Variants in NEK11 observed in about 807,000 individuals in gnomAD.
NEK11 encodes NIMA related kinase 11, also known as serine/threonine-protein kinase Nek11.
In NEK11, 72 loss-of-function variants were observed where a neutral mutation model predicts 80.7. The observed-to-expected ratio is 0.89, with a 90% CI of 0.74 to 1.08. NEK11 has a LOEUF of 1.08. NEK11 is among the 50% of genes least tolerant of loss of function. NEK11 has a pLI of 0.00. For missense variants in NEK11, 764 were observed against 763.6 expected (o/e 1.00, Z -0.01); for synonymous variants, 251 against 260.7 (o/e 0.96, Z 0.36).
intron 3 of NEK11, among the ~76,000 whole-genome samples, chr3:131,060,989 C>A (rs898724884): frequency 2.6e-5 from 4 of 152,038 alleles, no homozygotes; most frequent in Admixed American, 6.6e-5. Flanking sequence ...TATTCCCAGT[C>A]CCCCATCCAG....
chr3:131,112,107 C>T (rs1216075476), intron 5 of NEK11, among the ~76,000 whole-genome samples: 1 of 152,068 alleles, frequency 6.6e-6, no homozygotes, highest in Non-Finnish European at 1.5e-5. Context: ...TGATGTCCAA[C>T]AAAAGGTATG....
chr3:131,152,270 A>G, intron 7 of NEK11, 118 bp from the exon 8 acceptor site: 3 of 773,100 alleles, frequency 3.9e-6, no homozygotes, highest in Middle Eastern at 3.4e-4. Context: ...TAAGTCAACT[A>G]CTGATTGTAT....
intron 3 of NEK11, among the ~76,000 whole-genome samples, chr3:131,046,241 T>C (rs1256972392): frequency 6.6e-6 from 1 of 152,202 alleles, no homozygotes; most frequent in African/African-American, 2.4e-5. Context: ...TTTGGTGTAT[T>C]GCGAAAATGT....
chr3:131,069,884 G>T (rs991566872), intron 3 of NEK11, among the ~76,000 whole-genome samples: 23 of 151,412 alleles, frequency 1.5e-4, no homozygotes, highest in African/African-American at 5.6e-4. Context: ...GCTAGATGAC[G>T]AGTTAGTGGG....
intron 14 of NEK11, among the ~76,000 whole-genome samples, chr3:131,190,676 ATTC>A (rs950562174): frequency 6.6e-6 from 1 of 152,190 alleles, no homozygotes; most frequent in Non-Finnish European, 1.5e-5. Context: ...ATCCTCAGGT[ATTC>A]TTTATAATTA....
chr3:131,092,859 T>C (rs2076925151), intron 4 of NEK11: 1 of 152,212 alleles, frequency 6.6e-6, no homozygotes, highest in Admixed American at 6.5e-5. Flanking sequence ...GTGTCATCCT[T>C]GCACAGAGGC....
intron 5 of NEK11, among the ~76,000 whole-genome samples, chr3:131,111,539 G>A (rs909283599): frequency 1.3e-5 from 2 of 152,086 alleles, no homozygotes; most frequent in Non-Finnish European, 2.9e-5. Context: ...CATAAAACAT[G>A]TACCCTTATA....
intron 7 of NEK11, among the ~76,000 whole-genome samples, chr3:131,142,417 T>C (rs887776349): frequency 1.3e-5 from 2 of 151,096 alleles, no homozygotes; most frequent in Non-Finnish European, 3.0e-5. Flanking sequence ...TCTACTACTT[T>C]TGATGTTCTG....
At chr3:131,333,676 T>C (rs1268968362) in intron 17 of NEK11, among the ~76,000 whole-genome samples, 5 of 152,180 alleles carry the variant, frequency 3.3e-5, no homozygotes, top group South Asian at 2.1e-4. Flanking sequence ...GACTGGCAAA[T>C]TGGATAAAGA....
intron 17 of NEK11, among the ~76,000 whole-genome samples, chr3:131,299,717 T>C (rs1437342174): frequency 6.6e-6 from 1 of 152,236 alleles, no homozygotes; most frequent in Non-Finnish European, 1.5e-5. Context: ...TCATTCTTTT[T>C]ATGACTGTGT....
At chr3:131,168,089 C>T (rs1302360261) in intron 12 of NEK11, among the ~76,000 whole-genome samples, 2 of 152,218 alleles carry the variant, frequency 1.3e-5, no homozygotes, top group Non-Finnish European at 2.9e-5. Context: ...CGCCAGGCAT[C>T]CTGCCCTCTT....
intron 16 of NEK11, among the ~76,000 whole-genome samples, chr3:131,246,230 G>A (rs900168050): frequency 7.2e-5 from 11 of 152,040 alleles, no homozygotes; most frequent in Admixed American, 3.3e-4. Flanking sequence ...TGTACCCAGC[G>A]TGTAGCCTTT....
intron 2 of NEK11, among the ~76,000 whole-genome samples, chr3:131,028,921 G>C (rs933786017): frequency 6.6e-6 from 1 of 152,190 alleles, no homozygotes; most frequent in Non-Finnish European, 1.5e-5. Context: ...TTTATCTGTA[G>C]CATTTATATT....
chr3:131,090,161 AACG>A (rs952343983), intron 4 of NEK11, among the ~76,000 whole-genome samples: 2 of 152,244 alleles, frequency 1.3e-5, no homozygotes, highest in Admixed American at 6.5e-5. Context: ...ATTTGATAAT[AACG>A]ATCAAAGGTG....
chr3:131,282,335 A>G (rs2096409015), intron 17 of NEK11, among the ~76,000 whole-genome samples: 1 of 151,996 alleles, frequency 6.6e-6, no homozygotes, highest in South Asian at 2.1e-4. Context: ...CCAAGTGGAC[A>G]TTGCTTCTCC....
At chr3:131,129,807 T>G (rs190899062) in intron 5 of NEK11, among the ~76,000 whole-genome samples, 3 of 152,202 alleles carry the variant, frequency 2.0e-5, no homozygotes, top group South Asian at 4.1e-4. Flanking sequence ...ATTTTTTTTC[T>G]CTCCAATACT....
chr3:131,241,371 A>G (rs577210531), intron 15 of NEK11, among the ~76,000 whole-genome samples: 1 of 152,258 alleles, frequency 6.6e-6, no homozygotes, highest in South Asian at 2.1e-4. Context: ...ATGTCCAATG[A>G]TAAGGGTATG....
At chr3:131,214,019 G>A (rs938682973) in intron 14 of NEK11, among the ~76,000 whole-genome samples, 2 of 152,168 alleles carry the variant, frequency 1.3e-5, no homozygotes, top group Non-Finnish European at 2.9e-5. Context: ...GAGGATACAA[G>A]AAGAGGACAG....
chr3:131,070,816 T>G (rs1210531245), intron 3 of NEK11, among the ~76,000 whole-genome samples: 1 of 152,188 alleles, frequency 6.6e-6, no homozygotes, highest in Non-Finnish European at 1.5e-5. Flanking sequence ...ATTGATGGTC[T>G]GTTTCCTCCT....
Sources: gnomAD v4.1 joint callset for allele counts (sites outside exome capture counted in the v4.1 genomes callset) on GRCh38, gnomAD v4.1.1 for gene constraint, MANE v1.5 for transcripts, NCBI Gene and HGNC (gene_info 2026-07-23, HGNC 2026-07-21) for gene names.